Variants in TNN observed in about 807,000 individuals in gnomAD.
TNN encodes tenascin-N.
In TNN, 122 loss-of-function variants were observed where a neutral mutation model predicts 134.4. The observed-to-expected ratio is 0.91, with a 90% CI of 0.78 to 1.06. The LOEUF (loss-of-function observed/expected upper bound fraction) is 1.06, where lower values mean the gene tolerates loss of function less well. Among genes scored for constraint, TNN ranks in the 50% least tolerant of loss-of-function variants. The pLI, the probability that TNN is intolerant of heterozygous loss-of-function variation, is 0.00. For missense variants in TNN, 1,739 were observed against 1,699.4 expected, an observed-to-expected ratio of 1.02 and a Z score of -0.41; for synonymous variants, 710 against 670.3, an observed-to-expected ratio of 1.06 and a Z score of -0.91.
At chr1:175,103,088 A>G (rs979002285) in intron 9 of TNN, among the ~76,000 whole-genome samples, 2 of 146,068 alleles carry the variant, frequency 1.4e-5, no homozygotes, top group African/African-American at 2.5e-5. Flanking sequence ...GACCATCTGT[A>G]GCTTGATGGC....
At chr1:175,108,650 G>A (rs1270224660) in intron 9 of TNN, among the ~76,000 whole-genome samples, 3 of 152,236 alleles carry the variant, frequency 2.0e-5, no homozygotes, top group African/African-American at 4.8e-5. Flanking sequence ...TAGCGCCGGT[G>A]GGCTGGCACT....
intron 9 of TNN, among the ~76,000 whole-genome samples, chr1:175,108,518 G>A (rs547753382): frequency 5.3e-5 from 8 of 152,364 alleles, no homozygotes; most frequent in African/African-American, 9.6e-5. Context: ...GATGGTATTC[G>A]TTGGGGAGGC....
At chr1:175,071,755 C>T (rs1673919803) in intron 1 of TNN, among the ~76,000 whole-genome samples, 1 of 152,140 alleles carries the variant, frequency 6.6e-6, no homozygotes, top group Admixed American at 6.5e-5. Flanking sequence ...CTCTGAGGAC[C>T]TGTCACAAAG....
chr1:175,144,065 C>T (rs781469985), intron 17 of TNN, among the ~76,000 whole-genome samples: 1 of 151,910 alleles, frequency 6.6e-6, no homozygotes. Flanking sequence ...GAGAGTGGTG[C>T]TCTTGTGTGT....
In TNN at chr1:175,147,984, G is replaced by A. The variant is rs1240156671; in HGVS notation, c.*913G>A. ...TTTTTGCTTATTTTCTATCACTTTGGAGGGTTTTCTGTAGCAAAATCAGTG... is the reference window on the plus strand; with the variant it reads ...TTTTTGCTTATTTTCTATCACTTTGAAGGGTTTTCTGTAGCAAAATCAGTG... On this transcript the variant is annotated 3_prime_UTR_variant, in exon 19 of 19. Transcript: ENST00000239462. The A allele has an allele frequency of 6.6e-6, 1 of 152,060 alleles. No homozygotes were observed. The highest frequency in any genetic ancestry group is 6.6e-5 in the Admixed American group (1 of 15,264). 9.4% of individuals were successfully genotyped at this position (152,060 alleles called of 1,614,324 possible).
intron 9 of TNN, among the ~76,000 whole-genome samples, chr1:175,116,607 G>T (rs891794361): frequency 6.6e-6 from 1 of 152,208 alleles, no homozygotes; most frequent in African/African-American, 2.4e-5. Flanking sequence ...TGAACTGTCC[G>T]GAGCCACAAC....
Position 175,097,570 on chromosome 1 carries a change from A to T in TNN, c.1742A>T (p.Glu581Val). The change falls in exon 8 of 19, where the codon GAG becomes GTG. Residue 581 changes from glutamate (E) to valine (V), a missense_variant. Physicochemically the swap from Glu to Val is moderately radical, Grantham distance 121. Transcript: ENST00000239462. ...QETREVLVGK[E>V]QSSTVLTGLR... ...ACCAGAGAGGTTCTGGTGGGGAAGG[A>T]GCAGAGCAGCACTGTCCTGACAGGC... The T allele has an allele frequency of 6.2e-7, 1 of 1,614,208 alleles. No individual in the cohort carries two copies. The highest frequency in any genetic ancestry group is 8.5e-7 in the Non-Finnish European group (1 of 1,180,042).
intron 6 of TNN, among the ~76,000 whole-genome samples, chr1:175,090,677 G>C (rs773822692): frequency 5.3e-5 from 8 of 152,210 alleles, no homozygotes; most frequent in Non-Finnish European, 1.0e-4. Context: ...TTGTTATAAA[G>C]TGGAATAAGC....
intron 12 of TNN, among the ~76,000 whole-genome samples, chr1:175,125,855 CTT>C (rs1407217059): frequency 1.0e-3 from 82 of 78,150 alleles, no homozygotes; most frequent in Admixed American, 2.7e-3. Flanking sequence ...TTCTTTCTTT[CTT>C]TTTTCTTTTT....
intron 15 of TNN, among the ~76,000 whole-genome samples, chr1:175,135,294 T>C (rs1675769914): frequency 1.3e-5 from 2 of 152,242 alleles, no homozygotes; most frequent in Non-Finnish European, 2.9e-5. Context: ...ATTTATTCAC[T>C]TTGCACACTA....
At chr1:175,122,786 C>T (rs918716666) in intron 11 of TNN, among the ~76,000 whole-genome samples, 11 of 152,040 alleles carry the variant, frequency 7.2e-5, no homozygotes, top group South Asian at 4.1e-4. Flanking sequence ...TGGAATGATA[C>T]GGGAGAGGAT....
intron 17 of TNN, among the ~76,000 whole-genome samples, chr1:175,137,283 C>T (rs1675837055): frequency 6.6e-6 from 1 of 151,998 alleles, no homozygotes; most frequent in African/African-American, 2.4e-5. Context: ...CTGATGAGCC[C>T]ATATTCTGAA....
rs546798991 is a variant in TNN, at chr1:175,142,734, C to T, written c.3596-1653C>T. Among the ~76,000 whole-genome samples, 3 of 152,266 alleles carry T rather than the reference C, an allele frequency of 2.0e-5. No individual in the cohort carries two copies. The East Asian group carries it at 5.8e-4, about 29-fold the overall frequency. ...CCGGATTCAAGCAATTCTTCTGCCT[C>T]AGCCTCCAGAGTAGCTGGGACTACA... On this transcript the variant is annotated intron_variant, in intron 17 of 18. Coordinates refer to ENST00000239462, the MANE Select transcript of TNN (RefSeq NM_022093.2).
Position 175,077,560 on chromosome 1 carries a change from A to C in TNN, c.142A>C (p.Ile48Leu), listed in dbSNP as rs760084659. 1 of 1,614,164 alleles carries C rather than the reference A, an allele frequency of 6.2e-7. No individual in the cohort carries two copies. Among genetic ancestry groups the C allele is most frequent in the Non-Finnish European group, 8.5e-7 (1 of 1,180,034 alleles). ...GGTCACTGTCAGCCACACCTACAAGATCGATGTGCCCAAGTCTGCCTTGGT... is the reference window on the plus strand; with the variant it reads ...GGTCACTGTCAGCCACACCTACAAGCTCGATGTGCCCAAGTCTGCCTTGGT... ...QQVTVSHTYK[I>L]DVPKSALVQV... is the part of the protein sequence containing the mutation. Residue 48 changes from isoleucine to leucine, a missense_variant, in exon 2 of 19, where the codon ATC becomes CTC. Transcript: ENST00000239462.
chr1:175,091,109 C>T (rs901885186), intron 6 of TNN, among the ~76,000 whole-genome samples: 1 of 152,260 alleles, frequency 6.6e-6, no homozygotes, highest in Non-Finnish European at 1.5e-5. Flanking sequence ...TGGCCTCTTC[C>T]AGCAATGTGG....
intron 7 of TNN, among the ~76,000 whole-genome samples, chr1:175,094,944 G>A (rs1207013146): frequency 6.6e-6 from 1 of 152,220 alleles, no homozygotes; most frequent in Non-Finnish European, 1.5e-5. Context: ...ATTCTGGACA[G>A]TTACTGAGTA....
chr1:175,094,303 G>T lies in TNN; in HGVS notation c.1588+50G>T, dbSNP rs753996366. On this transcript the variant is annotated intron_variant, in intron 7 of 18. Transcript: ENST00000239462. ...TAGGTTTCCTCATGGCAGGGAGAAG[G>T]TTGATTTTTGAATCAGGAGGTCATT... is the stretch of plus-strand genomic sequence containing the variant. 1.5e-5 allele frequency: 22 copies of T among 1,460,330 alleles called. No individual in the cohort carries two copies. In the South Asian group the frequency reaches 2.5e-4, roughly 16 times the overall value. The allele number at this position is 1,460,330 out of a possible 1,614,324, so 90.5% of individuals were successfully genotyped here.
intron 9 of TNN, among the ~76,000 whole-genome samples, chr1:175,109,072 A>ATTTTTTTTTTTTTTTTTTTTTTTT (rs1160268455): frequency 1.6e-5 from 1 of 61,978 alleles, no homozygotes. Context: ...ATCTAACTGT[A>ATTTTTTTTTTTTTTTTTTTTTTTT]TTTTTTTTTT....
In TNN at chr1:175,080,305, G is replaced by A; in HGVS notation, c.927G>A (p.Val309=). 1 of 1,614,048 alleles carries A rather than the reference G, an allele frequency of 6.2e-7. No individual in the cohort carries two copies. The part of the protein sequence containing the change: ...GKELSGKQIQ[V]PKEQHSYEIL... ...AGCTCTCTGGGAAGCAGATCCAAGT[G>A]CCCAAGGAGCAGCACAGCTATGAGA... The change falls in exon 4 of 19, where the codon GTG becomes GTA. Residue 309 remains valine, a synonymous_variant. Transcript: ENST00000239462.
Sources: gnomAD v4.1 joint callset for allele counts (sites outside exome capture counted in the v4.1 genomes callset) on GRCh38, gnomAD v4.1.1 for gene constraint, MANE v1.5 for transcripts, NCBI Gene and HGNC (gene_info 2026-07-23, HGNC 2026-07-21) for gene names.